Variants in LIN54 observed in about 807,000 individuals in gnomAD.
The protein encoded by LIN54 is lin-54 DREAM MuvB core complex component.
A neutral mutation model predicts 78.7 loss-of-function variants in LIN54; 9 were observed. That is an observed-to-expected ratio of 0.11 (90% CI 0.07 to 0.20). The LOEUF is 0.20. Among genes scored for constraint, LIN54 ranks in the 10% least tolerant of loss-of-function variants. LIN54 has a pLI of 1.00. For missense variants in LIN54, 573 were observed against 889.9 expected, an observed-to-expected ratio of 0.64 and a Z score of 4.53; for synonymous variants, 269 against 318.4, an observed-to-expected ratio of 0.84 and a Z score of 1.65.
At chr4:82,937,438 C>T (rs1722479386) in intron 8 of LIN54, 140 bp from the exon 9 acceptor site, 1 of 534,476 alleles carries the variant, frequency 1.9e-6, no homozygotes, top group South Asian at 3.0e-5. Context: ...TCTATAAATC[C>T]CTCCAGAAAT....
chr4:82,940,066 TA>T, intron 5 of LIN54, 104 bp from the exon 6 acceptor site: 2 of 791,494 alleles, frequency 2.5e-6, no homozygotes, highest in Non-Finnish European at 4.1e-6. Context: ...TAAAAGAGCT[TA>T]AAGAATTCCA....
At chr4:82,979,958 A>G (rs1726494488) in intron 2 of LIN54, among the ~76,000 whole-genome samples, 1 of 149,172 alleles carries the variant, frequency 6.7e-6, no homozygotes, top group Admixed American at 6.7e-5. Context: ...AAAAAAAAAA[A>G]AAAAAAAATA....
chr4:82,928,167 A>T lies in LIN54; in HGVS notation c.2185T>A (p.Cys729Ser). ...GCAGAGTTGATGACACTCATCAAAC[A>T]TCGTCCGAATTCCTCAAGTATCATC... ...ERMILEEFGR[C>S]LMSVINSAGK... Residue 729 changes from cysteine (C) to serine (S), a missense_variant, in exon 13 of 13, where the codon TGT (cysteine) becomes AGT (serine). This residue lies in a region of LIN54 where 82 missense variants were observed against 140.8 expected (regional missense o/e 0.58). Transcript: ENST00000340417. The T allele has an allele frequency of 6.2e-7, 1 of 1,614,266 alleles. No individual in the cohort carries two copies. The highest frequency in any genetic ancestry group is 1.7e-5 in the Admixed American group (1 of 60,034).
intron 4 of LIN54, among the ~76,000 whole-genome samples, chr4:82,947,249 T>TTTTG (rs1560733614): frequency 2.2e-5 from 3 of 138,808 alleles, no homozygotes; most frequent in Non-Finnish European, 4.6e-5. Flanking sequence ...TTTTTTTTTT[T>TTTTG]GAAGACAGGG....
intron 1 of LIN54, among the ~76,000 whole-genome samples, chr4:83,005,744 A>T (rs1035627879): frequency 3.3e-5 from 5 of 152,226 alleles, no homozygotes; most frequent in African/African-American, 9.6e-5. Flanking sequence ...GATTTCTAAA[A>T]GAATTTGACC....
At chr4:82,969,694 T>C (rs567095055) in intron 4 of LIN54, among the ~76,000 whole-genome samples, 2 of 152,354 alleles carry the variant, frequency 1.3e-5, no homozygotes, top group East Asian at 1.9e-4. Flanking sequence ...AAAATAATAA[T>C]GCTTGGCTTT....
chr4:82,942,541 C>T (rs1401528767), intron 5 of LIN54, among the ~76,000 whole-genome samples: 5 of 152,230 alleles, frequency 3.3e-5, no homozygotes, highest in African/African-American at 4.8e-5. Flanking sequence ...TTATACTGAA[C>T]CATTAGCAAG....
intron 4 of LIN54, among the ~76,000 whole-genome samples, chr4:82,949,700 G>GT (rs891170572): frequency 2.4e-4 from 36 of 151,760 alleles, no homozygotes; most frequent in African/African-American, 7.7e-4. Context: ...CCCAGCCTGA[G>GT]TTTTTTATAA....
chr4:82,964,266 G>A (rs776833748), intron 4 of LIN54, among the ~76,000 whole-genome samples: 123 of 152,144 alleles, frequency 8.1e-4, no homozygotes, highest in Non-Finnish European at 1.6e-3. Flanking sequence ...GGCCAGACTG[G>A]TCTCAAACTC....
Position 82,925,288 on chromosome 4 carries a change from C to T in LIN54, c.*2814G>A, listed in dbSNP as rs1272487052. 6.6e-6 allele frequency: 1 copy of T among 152,224 alleles called. No homozygotes were observed. The highest frequency in any genetic ancestry group is 2.4e-5 in the African/African-American group (1 of 41,462). 9.4% of individuals were successfully genotyped at this position (152,224 alleles called of 1,614,324 possible). A position where few individuals can be genotyped will look rare whatever the true frequency, so the allele number is the denominator to read the frequency against. On this transcript the variant is annotated 3_prime_UTR_variant, in exon 13 of 13. Coordinates refer to ENST00000340417, the MANE Select transcript of LIN54 (RefSeq NM_194282.4). ...GCAGTGGTGTAATTTTGACTCACTA[C>T]AGCCTCAACCTCTGCAGGCTCAGGC...
At chr4:83,002,718 C>T (rs1728977547) in intron 1 of LIN54, among the ~76,000 whole-genome samples, 1 of 152,102 alleles carries the variant, frequency 6.6e-6, no homozygotes, top group Non-Finnish European at 1.5e-5. Context: ...ATTTTCTCCT[C>T]CTTACGGTTT....
At chr4:82,980,307 A>G (rs1171811494) in intron 2 of LIN54, among the ~76,000 whole-genome samples, 6 of 152,164 alleles carry the variant, frequency 3.9e-5, no homozygotes. Flanking sequence ...TATTAATTAT[A>G]TCTTTTGGCA....
At chr4:83,006,141 G>A (rs907857856) in intron 1 of LIN54, among the ~76,000 whole-genome samples, 7 of 152,128 alleles carry the variant, frequency 4.6e-5, no homozygotes, top group Non-Finnish European at 8.8e-5. Flanking sequence ...GGGACGTAGG[G>A]AGGGGATCAA....
chr4:82,966,161 T>C (rs941406589), intron 4 of LIN54, among the ~76,000 whole-genome samples: 4 of 152,210 alleles, frequency 2.6e-5, no homozygotes, highest in Non-Finnish European at 4.4e-5. Context: ...ATTTCATCTA[T>C]ATCCATAGTT....
At chr4:82,980,173 G>C (rs1473201908) in intron 2 of LIN54, among the ~76,000 whole-genome samples, 1 of 151,996 alleles carries the variant, frequency 6.6e-6, no homozygotes, top group Non-Finnish European at 1.5e-5. Context: ...AAGGAGTGTA[G>C]AGTTACCAAT....
At chr4:82,956,268 T>C (rs1724323712) in intron 4 of LIN54, among the ~76,000 whole-genome samples, 1 of 151,870 alleles carries the variant, frequency 6.6e-6, no homozygotes, top group Non-Finnish European at 1.5e-5. Flanking sequence ...TAAATTTCTA[T>C]AGTAAGAGTG....
At chr4:82,930,804 C>A in intron 12 of LIN54, 139 bp downstream of exon 12, 1 of 712,286 alleles carries the variant, frequency 1.4e-6, no homozygotes, top group Non-Finnish European at 2.3e-6. Context: ...AATTCCTTTA[C>A]AAGTAACTAA....
intron 1 of LIN54, among the ~76,000 whole-genome samples, chr4:82,988,382 T>G (rs959221447): frequency 6.6e-6 from 1 of 152,240 alleles, no homozygotes; most frequent in Non-Finnish European, 1.5e-5. Flanking sequence ...CTGAGTAATA[T>G]TCCATTGTAC....
At chr4:82,998,316 G>A (rs533016460) in intron 1 of LIN54, among the ~76,000 whole-genome samples, 16 of 151,960 alleles carry the variant, frequency 1.1e-4, no homozygotes, top group South Asian at 2.1e-4. Context: ...AGGCTGAGGC[G>A]GACAGATCAC....
Sources: allele counts gnomAD v4.1 joint callset (sites outside exome capture counted in the v4.1 genomes callset), GRCh38; gene constraint gnomAD v4.1.1; regional missense constraint gnomAD v4.1.1; transcripts MANE v1.5; gene names NCBI Gene and HGNC (gene_info 2026-07-23, HGNC 2026-07-21).